Variants in COBL observed in about 807,000 individuals in gnomAD.
COBL encodes the protein cordon-bleu WH2 repeat protein.
COBL carries 51 observed loss-of-function variants against 98.8 expected under a neutral mutation model. That is an observed-to-expected ratio of 0.52 (90% confidence interval 0.41 to 0.65). The LOEUF is 0.65. COBL is among the 30% of genes least tolerant of loss of function. The pLI is 0.00. For synonymous variants in COBL, 634 were observed against 651.7 expected, an observed-to-expected ratio of 0.97 and a Z score of 0.41; for missense variants, 1,617 against 1,617.5, an observed-to-expected ratio of 1.00 and a Z score of 0.01.
intron 6 of COBL, among the ~76,000 whole-genome samples, chr7:51,087,806 T>C (rs998602478): frequency 6.8e-6 from 1 of 147,140 alleles, no homozygotes; most frequent in African/African-American, 2.5e-5. Flanking sequence ...TTTAATTCTC[T>C]GCATCTTAGT....
chr7:51,029,014 G>C lies in COBL; in HGVS notation c.2082C>G (p.Asn694Lys). The change falls in exon 10 of 13, where the codon AAC becomes AAG. Residue 694 changes from asparagine to lysine, a missense_variant. Transcript: ENST00000265136. ...APTSWHQRGQNPGKSYRLKHG... is the reference protein window; with the variant it reads ...APTSWHQRGQKPGKSYRLKHG... ...GCTTAAGTCTGTAGCTTTTCCCTGG[G>C]TTTTGGCCTCGTTGGTGCCATGATG... is the stretch of plus-strand genomic sequence containing the variant. 4.3e-6 allele frequency: 7 copies of C among 1,614,162 alleles called. No homozygotes were observed. Among genetic ancestry groups the C allele is most frequent in the Non-Finnish European group, 5.1e-6 (6 of 1,180,034 alleles).
rs1163845228 is a variant in COBL, at chr7:51,017,399, T to C, written c.*152A>G. The C allele has an allele frequency of 5.3e-6, 4 of 747,804 alleles. No homozygotes were observed. The highest frequency in any genetic ancestry group is 1.5e-5 in the South Asian group (1 of 66,902). The allele number at this position is 747,804 out of a possible 1,614,324, so 46.3% of individuals were successfully genotyped here. On this transcript the variant is annotated 3_prime_UTR_variant, in exon 13 of 13. Transcript: ENST00000265136. Reference sequence around the variant, plus strand: ...CTTCTCCTTTCCTTTCAAGCCGTTATACAGGAACACACCGAAAATCAACTG... The same window carrying C: ...CTTCTCCTTTCCTTTCAAGCCGTTACACAGGAACACACCGAAAATCAACTG...
At position 51,043,913 on chromosome 7, in the gene COBL, ATC is replaced by A. The variant is rs1305051014; in HGVS notation, c.1097-223_1097-222del. On this transcript the variant is annotated intron_variant, in intron 7 of 12. Coordinates refer to ENST00000265136, the MANE Select transcript of COBL (RefSeq NM_015198.5). ...TTGAGGGCAAAATTTTCCCTCAAAA[ATC>A]AGTATTTGATTAATTAGCCTTTTAC... 5.3e-5 allele frequency among the ~76,000 whole-genome samples: 8 copies of A among 152,328 alleles called. 1 individual carries two copies. Among genetic ancestry groups the A allele is most frequent in the Admixed American group, 5.2e-4 (8 of 15,306 alleles).
At chr7:51,138,018 A>T (rs1423667967) in intron 5 of COBL, among the ~76,000 whole-genome samples, 1 of 152,198 alleles carries the variant, frequency 6.6e-6, no homozygotes, top group Non-Finnish European at 1.5e-5. Context: ...CCTGAAAAAA[A>T]ATTGAGTCAC....
At position 51,133,336 on chromosome 7, in the gene COBL, G is replaced by A. The variant is rs73697812; in HGVS notation, c.957+2822C>T. On this transcript the variant is annotated intron_variant, in intron 6 of 12. Coordinates refer to ENST00000265136, the MANE Select transcript of COBL (RefSeq NM_015198.5). ...AACTGCATATAATTATTATTCTACA[G>A]CACAGATGGATTCATTTTGAGGTAA... Among the ~76,000 whole-genome samples the A allele has an allele frequency of 6.4e-3, 977 of 152,300 alleles. 7 individuals are homozygous for A. The highest frequency in any genetic ancestry group is 0.023 in the African/African-American group (939 of 41,562).
rs917485006 is a variant in COBL, at chr7:51,187,897, C to T, written c.685+2953G>A. 1.9e-5 allele frequency: 24 copies of T among 1,232,050 alleles called. No individual in the cohort carries two copies. The African/African-American group carries it at 3.3e-4, about 17-fold the overall frequency. The allele number at this position is 1,232,050 out of a possible 1,614,324, so 76.3% of individuals were successfully genotyped here. A position where few individuals can be genotyped will look rare whatever the true frequency, so the allele number is the denominator to read the frequency against. On this transcript the variant is annotated intron_variant, in intron 4 of 12. Transcript: ENST00000265136. Reference sequence around the variant, plus strand: ...GCAGCCTCACAGCGGGAGCGGGAAGCCCCAGGTTCACTGTACCTTGACAGC... The same window carrying T: ...GCAGCCTCACAGCGGGAGCGGGAAGTCCCAGGTTCACTGTACCTTGACAGC...
chr7:51,263,073 C>T (rs887908406), intron 1 of COBL, among the ~76,000 whole-genome samples: 4 of 152,152 alleles, frequency 2.6e-5, no homozygotes, highest in Admixed American at 2.6e-4. Flanking sequence ...ATGGAGGTGT[C>T]GCCAGCCACA....
intron 5 of COBL, chr7:51,172,498 G>A (rs769542052): frequency 9.6e-5 from 123 of 1,287,808 alleles, no homozygotes; most frequent in South Asian, 2.9e-4. Context: ...TGTCCTCATC[G>A]CTGTCTGCAC....
intron 1 of COBL, among the ~76,000 whole-genome samples, chr7:51,307,389 A>C (rs1802588200): frequency 1.7e-5 from 2 of 114,354 alleles, no homozygotes; most frequent in Non-Finnish European, 4.3e-5. Flanking sequence ...AAAAAAGGAG[A>C]GGACAGTACT....
At chr7:51,023,764 A>G (rs529645310) in intron 12 of COBL, among the ~76,000 whole-genome samples, 41 of 152,312 alleles carry the variant, frequency 2.7e-4, no homozygotes, top group African/African-American at 9.6e-4. Flanking sequence ...CAGCAGTCCT[A>G]CATGAGAGTA....
chr7:51,207,730 T>C (rs1448375973), intron 2 of COBL, among the ~76,000 whole-genome samples: 2 of 152,274 alleles, frequency 1.3e-5, no homozygotes, highest in East Asian at 1.9e-4. Flanking sequence ...GTTCACTCAG[T>C]GCTCAATGGT....
Position 51,143,015 on chromosome 7 carries a change from C to A in COBL, c.784-6684G>T, listed in dbSNP as rs114034784. ...GTGCATGGTGCAAACTTCATCAGGG[C>A]AGGTGGAGGAGGAAAAGTAAGAGGA... is the stretch of plus-strand genomic sequence containing the variant. On this transcript the variant is annotated intron_variant, in intron 5 of 12. Transcript: ENST00000265136. 1.5e-3 allele frequency among the ~76,000 whole-genome samples: 228 copies of A among 151,956 alleles called. 3 individuals carry two copies. The highest frequency in any genetic ancestry group is 5.3e-3 in the African/African-American group (218 of 41,422).
At chr7:51,127,513 T>C (rs1798326744) in intron 6 of COBL, among the ~76,000 whole-genome samples, 1 of 152,172 alleles carries the variant, frequency 6.6e-6, no homozygotes, top group African/African-American at 2.4e-5. Context: ...TGCATTTTGC[T>C]TTGGACAAAA....
At chr7:51,149,648 C>T (rs1375954894) in intron 5 of COBL, among the ~76,000 whole-genome samples, 1 of 152,098 alleles carries the variant, frequency 6.6e-6, no homozygotes, top group African/African-American at 2.4e-5. Flanking sequence ...ACTGTGTCGC[C>T]CAGGCTGGAG....
chr7:51,086,712 TAAA>T (rs1794292699), intron 6 of COBL, among the ~76,000 whole-genome samples: 1 of 152,248 alleles, frequency 6.6e-6, no homozygotes. Context: ...GCAAAAAAGT[TAAA>T]AAATATATGT....
rs779703421 is a variant in COBL at position 51,030,869 on chromosome 7, G to A, written c.1447C>T (p.Leu483=). 2 of 1,590,708 alleles carry A rather than the reference G, an allele frequency of 1.3e-6. No homozygotes were observed. The highest frequency in any genetic ancestry group is 3.5e-5 in the Admixed American group (2 of 57,230). ...AVTASNDEED[L]LIAGEFRKTL... ...TTACGGAACTCTCCAGCAATTAATA[G>A]GTCTTCTTCATCATTTGAGGCTGTG... The change falls in exon 9 of 13, where the codon CTA becomes TTA. Residue 483 remains leucine, a synonymous_variant. Transcript: ENST00000265136.
intron 6 of COBL, among the ~76,000 whole-genome samples, chr7:51,116,982 G>A (rs140464234): frequency 1.1e-4 from 17 of 151,912 alleles, no homozygotes; most frequent in African/African-American, 2.9e-4. Context: ...TGTGCACAAC[G>A]TGCAGGTTTG....
intron 1 of COBL, among the ~76,000 whole-genome samples, chr7:51,246,115 T>C (rs1796252916): frequency 6.6e-6 from 1 of 152,172 alleles, no homozygotes; most frequent in South Asian, 2.1e-4. Context: ...CACTTCTTTT[T>C]ATCACTCCAT....
At chr7:51,101,392 C>A (rs1171353230) in intron 6 of COBL, among the ~76,000 whole-genome samples, 2 of 152,098 alleles carry the variant, frequency 1.3e-5, no homozygotes, top group East Asian at 3.9e-4. Flanking sequence ...GACTCAAATC[C>A]CCCCAAAGGG....
Sources: allele counts gnomAD v4.1 joint callset (sites outside exome capture counted in the v4.1 genomes callset), GRCh38; gene constraint gnomAD v4.1.1; transcripts MANE v1.5; gene names NCBI Gene and HGNC (gene_info 2026-07-23, HGNC 2026-07-21).